The following GRAMD4 variants were observed in gnomAD, a reference collection of about 807,000 sequenced individuals.
GRAMD4 encodes GRAM domain-containing protein 4.
In GRAMD4, 25 loss-of-function variants were observed where a neutral mutation model predicts 83.9. The observed-to-expected ratio is 0.30, with a 90% CI of 0.22 to 0.42. GRAMD4 has a LOEUF of 0.42. GRAMD4 is among the 10% of genes least tolerant of loss of function. GRAMD4 has a pLI of 1.00. For missense variants in GRAMD4, 593 were observed against 788.7 expected (o/e 0.75, Z 2.97); for synonymous variants, 336 against 320.9 (o/e 1.05, Z -0.50).
rs1006774901 is a variant in GRAMD4 at position 46,665,653 on chromosome 22, A to G, written c.756A>G (p.Pro252=). The G allele has an allele frequency of 1.2e-6, 2 of 1,607,388 alleles. No individual in the cohort carries two copies. Among genetic ancestry groups the G allele is most frequent in the African/African-American group, 1.3e-5 (1 of 74,900 alleles). ...MNAVWHGWAI[P]LFLFLAILRL... ...CCGTGTGGCATGGCTGGGCCATCCC[A>G]TTGTTCTTATTTCTAGCAATTCTGA... The change falls in exon 9 of 19, where the codon CCA becomes CCG. Residue 252 remains proline, a synonymous_variant. Coordinates refer to ENST00000406902, the MANE Select transcript of GRAMD4 (RefSeq NM_015124.5).
At chr22:46,660,190 C>T (rs889512405) in intron 4 of GRAMD4, among the ~76,000 whole-genome samples, 1 of 152,204 alleles carries the variant, frequency 6.6e-6, no homozygotes, top group African/African-American at 2.4e-5. Context: ...CCCCATCTCG[C>T]ACAGTCTCTG....
At chr22:46,661,757 C>T (rs562333781) in intron 5 of GRAMD4, among the ~76,000 whole-genome samples, 4 of 152,262 alleles carry the variant, frequency 2.6e-5, no homozygotes, top group Non-Finnish European at 5.9e-5. Flanking sequence ...CCTTGCCCCA[C>T]GGAACAGTGA....
intron 1 of GRAMD4, among the ~76,000 whole-genome samples, chr22:46,601,632 C>G (rs1003175817): frequency 5.3e-5 from 8 of 151,968 alleles, no homozygotes; most frequent in African/African-American, 1.9e-4. Context: ...CCCATCTCTA[C>G]TAAAAATAAA....
chr22:46,641,688 C>G (rs2081977454), intron 3 of GRAMD4, among the ~76,000 whole-genome samples: 1 of 152,146 alleles, frequency 6.6e-6, no homozygotes, highest in Non-Finnish European at 1.5e-5. Flanking sequence ...GGGGGACTAT[C>G]CCTCTGTTGG....
At chr22:46,581,648 C>T (rs1221251017) in intron 1 of GRAMD4, among the ~76,000 whole-genome samples, 1 of 152,272 alleles carries the variant, frequency 6.6e-6, no homozygotes, top group Non-Finnish European at 1.5e-5. Context: ...GCCCTCTAAG[C>T]ATGAGACATG....
intron 1 of GRAMD4, among the ~76,000 whole-genome samples, chr22:46,583,607 G>A (rs1478254487): frequency 1.3e-5 from 2 of 152,224 alleles, no homozygotes; most frequent in African/African-American, 4.8e-5. Context: ...ATTGGAATTT[G>A]TCTGTTTGAA....
intron 2 of GRAMD4, among the ~76,000 whole-genome samples, chr22:46,630,652 C>G (rs2081756671): frequency 6.6e-6 from 1 of 152,248 alleles, no homozygotes; most frequent in African/African-American, 2.4e-5. Context: ...CCCAAGCAGC[C>G]TCACTCCTGG....
chr22:46,577,547 T>TG (rs1450723579), intron 1 of GRAMD4, among the ~76,000 whole-genome samples: 4 of 149,044 alleles, frequency 2.7e-5, no homozygotes, highest in Non-Finnish European at 6.0e-5. Flanking sequence ...GCCCGCCGGC[T>TG]GGGGGAGACG....
At chr22:46,612,695 A>T (rs960774134) in intron 1 of GRAMD4, among the ~76,000 whole-genome samples, 1 of 152,246 alleles carries the variant, frequency 6.6e-6, no homozygotes, top group African/African-American at 2.4e-5. Flanking sequence ...TGACCTGGGC[A>T]GCCTGGTGCA....
At chr22:46,662,952 G>T in intron 5 of GRAMD4, 88 bp from the exon 6 acceptor site, 2 of 1,299,494 alleles carry the variant, frequency 1.5e-6, no homozygotes, top group South Asian at 1.4e-5. Flanking sequence ...TTGCAGTGAG[G>T]CCCCTCCCTG....
At chr22:46,670,298 C>A (rs1307786023) in intron 13 of GRAMD4, among the ~76,000 whole-genome samples, 2 of 152,270 alleles carry the variant, frequency 1.3e-5, no homozygotes, top group Non-Finnish European at 1.5e-5. Context: ...GGACGCAGCA[C>A]GGCTGAGCTG....
intron 3 of GRAMD4, among the ~76,000 whole-genome samples, chr22:46,641,459 T>G (rs1347586527): frequency 2.6e-5 from 4 of 152,116 alleles, no homozygotes; most frequent in African/African-American, 9.7e-5. Flanking sequence ...CAGATTGCTT[T>G]GCAGCTCTCT....
chr22:46,654,808 C>A (rs777520003), intron 3 of GRAMD4, among the ~76,000 whole-genome samples: 1 of 152,180 alleles, frequency 6.6e-6, no homozygotes, highest in African/African-American at 2.4e-5. Context: ...ATGGTGACAC[C>A]GGGGTGGTCC....
At chr22:46,680,594 CCACCCACCCATT>C (rs1401637572), downstream of GRAMD4, among the ~76,000 whole-genome samples, 12 of 130,212 alleles carry the variant, frequency 9.2e-5, no homozygotes, top group African/African-American at 3.1e-4. Flanking sequence ...ATCCATCCAT[CCACCCACCCATT>C]CATCCATCCA....
At chr22:46,617,840 C>T (rs777511925), upstream of GRAMD4, among the ~76,000 whole-genome samples, 1 of 152,228 alleles carries the variant, frequency 6.6e-6, no homozygotes, top group Non-Finnish European at 1.5e-5. Context: ...TCCAGCCTGA[C>T]CCTCGTATGA....
At chr22:46,575,935 A>T (rs1245867383), upstream of GRAMD4, 2 of 152,252 alleles carry the variant, frequency 1.3e-5, no homozygotes, top group African/African-American at 4.8e-5. Context: ...CTGGAGGGGG[A>T]TCAAAGAGAG....
rs1003055631 is a variant in GRAMD4 at position 46,678,349 on chromosome 22, G to A, written c.*1098G>A. The stretch of plus-strand genomic sequence containing the variant: ...CTGCCTGCAGCCGACATGCGACAGC[G>A]TTCCCTCCCCCGCGTGCCTAGCCGG... On this transcript the variant is annotated 3_prime_UTR_variant, in exon 19 of 19. Coordinates refer to ENST00000406902, the MANE Select transcript of GRAMD4 (RefSeq NM_015124.5). The A allele has an allele frequency of 3.0e-6, 3 of 985,360 alleles. No individual in the cohort carries two copies. The highest frequency in any genetic ancestry group is 3.6e-6 in the Non-Finnish European group (3 of 829,978). 61.0% of individuals were successfully genotyped at this position (985,360 alleles called of 1,614,324 possible).
At chr22:46,596,814 G>A (rs1337691491) in intron 1 of GRAMD4, among the ~76,000 whole-genome samples, 4 of 152,202 alleles carry the variant, frequency 2.6e-5, no homozygotes, top group Non-Finnish European at 5.9e-5. Context: ...GTTTCCCAAA[G>A]TGCTGCAATT....
chr22:46,603,996 T>C (rs1272989512), intron 1 of GRAMD4, among the ~76,000 whole-genome samples: 1 of 152,236 alleles, frequency 6.6e-6, no homozygotes, highest in Non-Finnish European at 1.5e-5. Flanking sequence ...GCCAGCCTTA[T>C]CTTTTTCTAG....
Sources: gnomAD v4.1 joint callset for allele counts (sites outside exome capture counted in the v4.1 genomes callset) on GRCh38, gnomAD v4.1.1 for gene constraint, MANE v1.5 for transcripts, NCBI Gene and HGNC (gene_info 2026-07-23, HGNC 2026-07-21) for gene names.